NCAPG2: variants seen among roughly 807,000 people sequenced by gnomAD.
NCAPG2 encodes non-SMC condensin II complex subunit G2.
Under a neutral mutation model 141.1 loss-of-function variants are expected in NCAPG2, and 53 were observed. The ratio of observed to expected loss-of-function variants is 0.38; its 90% CI spans 0.30 to 0.47. The LOEUF is 0.47. Ranked by LOEUF, NCAPG2 falls within the 20% of genes least tolerant of loss-of-function variation. NCAPG2 has a pLI of 0.99. For synonymous variants in NCAPG2, 499 were observed against 490.7 expected (o/e 1.02, Z -0.22); for missense variants, 1,087 against 1,389.0 (o/e 0.78, Z 3.46).
In NCAPG2 at chr7:158,698,751, A is replaced by G. The variant is rs377292768; in HGVS notation, c.78+3071T>C. On this transcript the variant is annotated intron_variant, in intron 2 of 27. Coordinates refer to ENST00000356309, the MANE Select transcript of NCAPG2 (RefSeq NM_017760.7). Reference sequence around the variant, plus strand: ...TTCTTTAGCCACTCCATCGTTCCCAACTTCCACTTCCACTTGCTTTATCAG... The same window carrying G: ...TTCTTTAGCCACTCCATCGTTCCCAGCTTCCACTTCCACTTGCTTTATCAG... 1.6e-4 allele frequency among the ~76,000 whole-genome samples: 24 copies of G among 151,228 alleles called. No homozygotes were observed. The East Asian group carries it at 3.1e-3, about 20-fold the overall frequency.
At chr7:158,646,739 A>T (rs1369846881) in intron 24 of NCAPG2, among the ~76,000 whole-genome samples, 176 bp from the exon 25 acceptor site, 1 of 152,238 alleles carries the variant, frequency 6.6e-6, no homozygotes, top group Non-Finnish European at 1.5e-5. Flanking sequence ...TATTATAAAC[A>T]TAAGTGTGTT....
In NCAPG2 at chr7:158,656,414, C is replaced by T. The variant is rs754686043; in HGVS notation, c.2234G>A (p.Gly745Asp). 43 of 1,613,894 alleles carry T rather than the reference C, an allele frequency of 2.7e-5. No individual in the cohort carries two copies. Among genetic ancestry groups the T allele is most frequent in the Non-Finnish European group, 3.5e-5 (41 of 1,180,000 alleles). Residue 745 changes from glycine to aspartate, a missense_variant, in exon 19 of 28, where the codon GGT (glycine) becomes GAT (aspartate). By Grantham distance (94) the Gly-to-Asp change is moderately conservative. Coordinates refer to ENST00000356309, the MANE Select transcript of NCAPG2 (RefSeq NM_017760.7). ...GCGTGTGTCATGGATCTGCACCCTA[C>T]CTTTAGAAGCTGTGTTGCTCTGAAA... ...AQAKSNTASKGRVQIHDTRPV... is the reference protein window; with the variant it reads ...AQAKSNTASKDRVQIHDTRPV...
intron 22 of NCAPG2, among the ~76,000 whole-genome samples, chr7:158,652,886 GAGA>G (rs1371195921): frequency 3.3e-5 from 5 of 152,154 alleles, no homozygotes; most frequent in African/African-American, 1.2e-4. Flanking sequence ...GGCTACACTG[GAGA>G]TCTAGAATTC....
Position 158,693,375 on chromosome 7 carries a change from C to G in NCAPG2, c.201G>C (p.Val67=). The G allele has an allele frequency of 3.1e-6, 5 of 1,614,176 alleles. No homozygotes were observed. The highest frequency in any genetic ancestry group is 4.2e-6 in the Non-Finnish European group (5 of 1,180,022). Residue 67 remains valine (V), a synonymous_variant, in exon 3 of 28, where the codon GTG becomes GTC. Transcript: ENST00000356309. ...GGGCTTCCACTACCTGCCACCCATC[C>G]ACTGGGCTTTCTAACAACACATCTG... The part of the protein sequence containing the change: ...LLTDVLLESP[V]DGWQVVEAQG...
At chr7:158,664,781 TAATC>T (rs763146480) in intron 13 of NCAPG2, 31 bp from the exon 14 acceptor site, 8 of 1,572,380 alleles carry the variant, frequency 5.1e-6, no homozygotes, top group Non-Finnish European at 7.0e-6. Context: ...CAGAAGGAAA[TAATC>T]AATTGTGCCT....
intron 23 of NCAPG2, 98 bp from the exon 24 acceptor site, chr7:158,651,070 C>T (rs896845056): frequency 1.0e-5 from 13 of 1,276,584 alleles, no homozygotes; most frequent in Non-Finnish European, 1.3e-5. Context: ...CTATCCTCCC[C>T]CAGGACTCAA....
intron 16 of NCAPG2, 95 bp downstream of exon 16, chr7:158,662,099 G>A (rs898626047): frequency 8.4e-7 from 1 of 1,196,980 alleles, no homozygotes; most frequent in African/African-American, 1.6e-5. Context: ...TGAGAACACA[G>A]ATCCAGGGAG....
chr7:158,672,541 C>T (rs188154142), intron 12 of NCAPG2, among the ~76,000 whole-genome samples: 1 of 151,572 alleles, frequency 6.6e-6, no homozygotes, highest in African/African-American at 2.4e-5. Flanking sequence ...CGGGGTTTTA[C>T]CTTGTTAGCC....
At chr7:158,679,813 T>C in intron 11 of NCAPG2, 147 bp downstream of exon 11, 2 of 1,065,418 alleles carry the variant, frequency 1.9e-6, no homozygotes, top group Non-Finnish European at 2.6e-6. Context: ...GGCATCTCTC[T>C]GAAGAACAGT....
At position 158,633,342 on chromosome 7, in the gene NCAPG2, C is replaced by G. The variant is rs1830003142; in HGVS notation, c.3381-1625G>C. Among the ~76,000 whole-genome samples the G allele has an allele frequency of 1.3e-5, 2 of 152,210 alleles. No individual in the cohort carries two copies. Among genetic ancestry groups the G allele is most frequent in the African/African-American group, 4.8e-5 (2 of 41,452 alleles). On this transcript the variant is annotated intron_variant, in intron 27 of 27. Coordinates refer to ENST00000356309, the MANE Select transcript of NCAPG2 (RefSeq NM_017760.7). This position sits in a 1 kb window ranked among gnomAD's most constrained non-coding sequence, Gnocchi z 4.1. ...GTAGTGTGTCTGTGACACTTGAGCT[C>G]TAGACTGTCCTTTCGGGGTTACAGT...
intron 3 of NCAPG2, 59 bp from the exon 4 acceptor site, chr7:158,693,015 T>C (rs949375692): frequency 1.0e-5 from 12 of 1,195,880 alleles, no homozygotes; most frequent in Admixed American, 9.8e-5. Context: ...AATCAGTTTT[T>C]AGCAGAAATT....
At chr7:158,680,275 G>C (rs1448423432) in intron 10 of NCAPG2, among the ~76,000 whole-genome samples, 190 bp from the exon 11 acceptor site, 2 of 152,142 alleles carry the variant, frequency 1.3e-5, no homozygotes, top group East Asian at 3.8e-4. Context: ...AAAAGATAAA[G>C]CTTCCTCACT....
chr7:158,691,715 G>A (rs1835127892), intron 4 of NCAPG2, among the ~76,000 whole-genome samples: 1 of 151,994 alleles, frequency 6.6e-6, no homozygotes, highest in Non-Finnish European at 1.5e-5. Context: ...TTACAGTTTT[G>A]TTAAAACTTG....
chr7:158,666,286 T>C (rs553362262), intron 13 of NCAPG2, among the ~76,000 whole-genome samples: 2 of 152,258 alleles, frequency 1.3e-5, no homozygotes, highest in African/African-American at 2.4e-5. Flanking sequence ...GAAAGCCTCC[T>C]GGCCACAGGC....
chr7:158,649,400 T>C (rs2129458249), intron 24 of NCAPG2, among the ~76,000 whole-genome samples: 1 of 152,310 alleles, frequency 6.6e-6, no homozygotes, highest in South Asian at 2.1e-4. Flanking sequence ...GTCTCTGTCA[T>C]AATTACTCAA....
intron 13 of NCAPG2, among the ~76,000 whole-genome samples, chr7:158,665,616 A>G (rs1647349316): frequency 6.6e-6 from 1 of 152,058 alleles, no homozygotes; most frequent in South Asian, 2.1e-4. Context: ...TCTTAGAACA[A>G]AAACCCACAC....
chr7:158,692,812 A>C (rs1835212677), intron 4 of NCAPG2, 30 bp downstream of exon 4: 5 of 1,255,694 alleles, frequency 4.0e-6, no homozygotes, highest in Non-Finnish European at 4.6e-6. Context: ...CCCACTTCTA[A>C]ATATGCCATT....
At chr7:158,698,788 T>G (rs1587313754) in intron 2 of NCAPG2, among the ~76,000 whole-genome samples, 1 of 57,464 alleles carries the variant, frequency 1.7e-5, no homozygotes, top group East Asian at 8.7e-4. Flanking sequence ...AGTAGTAGTA[T>G]TTTTTTTTTT....
intron 11 of NCAPG2, among the ~76,000 whole-genome samples, chr7:158,679,514 T>C (rs757153655): frequency 3.3e-5 from 5 of 152,188 alleles, no homozygotes; most frequent in African/African-American, 4.8e-5. Flanking sequence ...ACCTTTAGGA[T>C]AGGCAATATC....
Sources: allele counts gnomAD v4.1 joint callset (sites outside exome capture counted in the v4.1 genomes callset), GRCh38; gene constraint gnomAD v4.1.1; non-coding constraint Gnocchi (gnomAD v3.1); transcripts MANE v1.5; gene names NCBI Gene and HGNC (gene_info 2026-07-23, HGNC 2026-07-21).